The following PHF14 variants were observed in gnomAD, a reference collection of about 807,000 sequenced individuals.
PHF14 encodes the protein PHD finger protein 14.
A neutral mutation model predicts 117.9 loss-of-function variants in PHF14; 55 were observed. That is an observed-to-expected ratio of 0.47 (90% CI 0.38 to 0.58). The LOEUF (loss-of-function observed/expected upper bound fraction) is 0.58. Ranked by LOEUF, PHF14 falls within the 20% of genes least tolerant of loss-of-function variation. The pLI, the probability that PHF14 is intolerant of heterozygous loss-of-function variation, is 0.00. For missense variants in PHF14, 978 were observed against 1,122.2 expected, an observed-to-expected ratio of 0.87 and a Z score of 1.84; for synonymous variants, 409 against 368.6, an observed-to-expected ratio of 1.11 and a Z score of -1.26.
rs762906982 is a variant in PHF14 at position 11,028,874 on chromosome 7, C to T, written c.1455+56C>T. The T allele has an allele frequency of 4.7e-5, 66 of 1,404,562 alleles. 1 individual carries two copies. Among genetic ancestry groups the T allele is most frequent in the Non-Finnish European group, 6.4e-5 (64 of 1,002,282 alleles). The allele number at this position is 1,404,562 out of a possible 1,614,324, so 87.0% of individuals were successfully genotyped here. ...CATGTTCACAAGATATCTTTTGACT[C>T]TATGTCCTATAATAAGTGTAAATAA... On this transcript the variant is annotated intron_variant, in intron 7 of 17. Transcript: ENST00000634607.
chr7:11,007,951 T>A (rs1783185230), intron 4 of PHF14, among the ~76,000 whole-genome samples: 2 of 152,222 alleles, frequency 1.3e-5, no homozygotes, highest in Non-Finnish European at 2.9e-5. Flanking sequence ...TTTTTGAAAT[T>A]TGAGGGCTGC....
chr7:11,043,191 A>C (rs1784553970), intron 13 of PHF14, among the ~76,000 whole-genome samples: 1 of 152,030 alleles, frequency 6.6e-6, no homozygotes. Flanking sequence ...TTTGGATTAG[A>C]GTCAAAGGCT....
At chr7:11,068,358 A>AAG (rs1785495346) in intron 16 of PHF14, among the ~76,000 whole-genome samples, 1 of 151,668 alleles carries the variant, frequency 6.6e-6, no homozygotes, top group Non-Finnish European at 1.5e-5. Context: ...TCAAAAAAAA[A>AAG]AAAAAAAAAA....
chr7:11,106,693 C>G, intron 16 of PHF14: 1 of 984,206 alleles, frequency 1.0e-6, no homozygotes, highest in East Asian at 1.1e-4. Flanking sequence ...GTTTGAGCTG[C>G]TAGTGAGATT....
At chr7:11,007,638 C>T (rs1054904841) in intron 4 of PHF14, among the ~76,000 whole-genome samples, 4 of 151,976 alleles carry the variant, frequency 2.6e-5, no homozygotes, top group African/African-American at 9.7e-5. Context: ...TTCATGAATA[C>T]TTTATTTAGA....
intron 7 of PHF14, among the ~76,000 whole-genome samples, chr7:11,033,112 T>A (rs932028893): frequency 3.3e-5 from 5 of 152,220 alleles, no homozygotes; most frequent in Non-Finnish European, 7.3e-5. Context: ...CTTTCTGTCT[T>A]CCACTGGGAG....
chr7:11,114,829 C>T (rs529692007), intron 17 of PHF14, among the ~76,000 whole-genome samples: 1 of 152,120 alleles, frequency 6.6e-6, no homozygotes, highest in East Asian at 1.9e-4. Flanking sequence ...GCTTCAAAGC[C>T]ATTGATTAAG....
intron 5 of PHF14, among the ~76,000 whole-genome samples, chr7:11,019,128 C>T (rs922204001): frequency 1.3e-5 from 2 of 152,026 alleles, no homozygotes; most frequent in Admixed American, 6.6e-5. Context: ...TTGTTAAATT[C>T]GGTTTGCTGG....
chr7:11,001,790 T>TA (rs1331067892), intron 4 of PHF14, among the ~76,000 whole-genome samples: 2 of 152,330 alleles, frequency 1.3e-5, no homozygotes, highest in Admixed American at 6.5e-5. Context: ...ATTTTCTACT[T>TA]AGACAGTCAT....
intron 3 of PHF14, among the ~76,000 whole-genome samples, chr7:10,988,341 T>C (rs1360214469): frequency 1.3e-5 from 2 of 152,080 alleles, no homozygotes; most frequent in African/African-American, 4.8e-5. Context: ...AATAGGAAAA[T>C]AGAGGAATTA....
chr7:11,132,745 C>A (rs896582795), intron 17 of PHF14, among the ~76,000 whole-genome samples: 1 of 151,764 alleles, frequency 6.6e-6, no homozygotes, highest in South Asian at 2.1e-4. Context: ...CCCCTTTTCT[C>A]CACCCCCTCA....
chr7:11,071,581 T>G (rs1404964925), intron 16 of PHF14, among the ~76,000 whole-genome samples: 2 of 152,228 alleles, frequency 1.3e-5, no homozygotes, highest in South Asian at 4.1e-4. Flanking sequence ...TAATGATTTT[T>G]AGTACATTTG....
intron 17 of PHF14, among the ~76,000 whole-genome samples, chr7:11,145,118 C>T (rs117351779): frequency 0.017 from 2,628 of 151,346 alleles, 35 homozygotes; most frequent in Middle Eastern, 0.048. Flanking sequence ...TATTTTATAC[C>T]ACAATTATAA....
intron 17 of PHF14, among the ~76,000 whole-genome samples, chr7:11,112,337 AC>A (rs1787474252): frequency 6.6e-6 from 1 of 152,198 alleles, no homozygotes; most frequent in South Asian, 2.1e-4. Context: ...GTAATCAAAA[AC>A]ATTCTTTTAT....
At chr7:11,032,747 C>G (rs935902932) in intron 7 of PHF14, among the ~76,000 whole-genome samples, 2 of 152,176 alleles carry the variant, frequency 1.3e-5, no homozygotes, top group African/African-American at 2.4e-5. Context: ...TTTTAGGTCT[C>G]CTTCACCCAT....
intron 16 of PHF14, among the ~76,000 whole-genome samples, chr7:11,074,310 A>G (rs192698482): frequency 6.1e-4 from 92 of 150,794 alleles, no homozygotes; most frequent in African/African-American, 1.9e-3. Flanking sequence ...TCCCGGGTTC[A>G]TACCATTCTC....
chr7:11,152,440 G>A (rs879315486), intron 17 of PHF14, among the ~76,000 whole-genome samples: 11 of 151,994 alleles, frequency 7.2e-5, no homozygotes, highest in East Asian at 5.8e-4. Context: ...AATAACGAAC[G>A]TAAATACAAG....
chr7:11,026,319 A>G (rs1215313157), intron 6 of PHF14, among the ~76,000 whole-genome samples: 5 of 152,240 alleles, frequency 3.3e-5, no homozygotes, highest in African/African-American at 7.2e-5. Flanking sequence ...TTAAAAATAC[A>G]TAATGTTATT....
At chr7:11,029,015 A>G (rs1784025800) in intron 7 of PHF14, among the ~76,000 whole-genome samples, 197 bp downstream of exon 7, 1 of 152,222 alleles carries the variant, frequency 6.6e-6, no homozygotes, top group Admixed American at 6.5e-5. Context: ...CGTTCAGAAA[A>G]CATAATTTTT....
Sources: gnomAD v4.1 joint callset for allele counts (sites outside exome capture counted in the v4.1 genomes callset) on GRCh38, gnomAD v4.1.1 for gene constraint, MANE v1.5 for transcripts, NCBI Gene and HGNC (gene_info 2026-07-23, HGNC 2026-07-21) for gene names.